Variants in TMEM117 observed in about 807,000 individuals in gnomAD.
TMEM117 encodes the protein transmembrane protein 117.
In TMEM117, 27 loss-of-function variants were observed where a neutral mutation model predicts 52.4. The ratio of observed to expected loss-of-function variants is 0.51; its 90% CI spans 0.38 to 0.71. TMEM117 has a LOEUF of 0.71. TMEM117 is among the 30% of genes least tolerant of loss of function. TMEM117 has a pLI of 0.00. For synonymous variants in TMEM117, 215 were observed against 206.3 expected (o/e 1.04, Z -0.36); for missense variants, 556 against 630.5 (o/e 0.88, Z 1.26).
intron 2 of TMEM117, among the ~76,000 whole-genome samples, chr12:43,903,477 TTA>T (rs1463025657): frequency 3.3e-5 from 5 of 152,206 alleles, no homozygotes; most frequent in Non-Finnish European, 5.9e-5. Flanking sequence ...AGAATGATTT[TTA>T]TGTGTTGCAT....
intron 5 of TMEM117, among the ~76,000 whole-genome samples, chr12:44,249,919 G>C (rs1240634954): frequency 6.6e-6 from 1 of 152,152 alleles, no homozygotes. Flanking sequence ...TACGATTCAG[G>C]ACATGGGCAT....
intron 4 of TMEM117, among the ~76,000 whole-genome samples, chr12:44,167,253 G>T (rs1406805858): frequency 6.6e-6 from 1 of 152,192 alleles, no homozygotes. Context: ...TTGTAGTCCT[G>T]TTGGACATAG....
intron 1 of TMEM117, among the ~76,000 whole-genome samples, chr12:43,836,867 GA>G (rs1028692885): frequency 2.6e-5 from 4 of 151,512 alleles, no homozygotes; most frequent in African/African-American, 7.3e-5. Context: ...AACCAAAAAG[GA>G]AAAAAAATGA....
chr12:43,848,423 C>T (rs755501303), intron 2 of TMEM117, among the ~76,000 whole-genome samples: 1 of 152,090 alleles, frequency 6.6e-6, no homozygotes, highest in African/African-American at 2.4e-5. Flanking sequence ...GAAATGCATT[C>T]TTTTCCCAGG....
intron 3 of TMEM117, among the ~76,000 whole-genome samples, chr12:44,122,460 T>C (rs916700109): frequency 5.3e-5 from 8 of 152,164 alleles, no homozygotes; most frequent in Non-Finnish European, 1.0e-4. Flanking sequence ...GTTTATTACA[T>C]AGGCAAACAT....
rs1208427538 is a variant in TMEM117, at chr12:44,289,475, GC to G, written c.609-10103del. Among the ~76,000 whole-genome samples, 3 of 151,304 alleles carry G rather than the reference GC, an allele frequency of 2.0e-5. No individual in the cohort carries two copies. In the East Asian group the frequency reaches 5.8e-4, roughly 29 times the overall value. ...TTTTTGAAGAACCTCCTTACTGTTT[GC>G]CATACTTGCTGAATCAATTTACATT... is the stretch of plus-strand genomic sequence containing the variant. On this transcript the variant is annotated intron_variant, in intron 5 of 7. Transcript: ENST00000266534.
chr12:44,305,637 T>G (rs1194395528), intron 6 of TMEM117, among the ~76,000 whole-genome samples: 1 of 151,908 alleles, frequency 6.6e-6, no homozygotes, highest in East Asian at 1.9e-4. Flanking sequence ...TGACCTATTA[T>G]AAAAAAGATT....
chr12:44,205,081 C>A (rs555922453), intron 4 of TMEM117, among the ~76,000 whole-genome samples: 4 of 152,194 alleles, frequency 2.6e-5, no homozygotes, highest in Admixed American at 6.5e-5. Flanking sequence ...TTCTGCCCAG[C>A]AAAATAAACT....
chr12:44,192,721 A>G (rs78349871), intron 4 of TMEM117, among the ~76,000 whole-genome samples: 1,876 of 152,306 alleles, frequency 0.012, 32 homozygotes, highest in East Asian at 0.056. Flanking sequence ...CCATTTGCTA[A>G]GAGCTTGGAC....
At chr12:43,980,945 G>A (rs1320674992) in intron 3 of TMEM117, among the ~76,000 whole-genome samples, 1 of 152,140 alleles carries the variant, frequency 6.6e-6, no homozygotes, top group Non-Finnish European at 1.5e-5. Context: ...GAGTGTGAAT[G>A]ATCAAAGGTT....
intron 5 of TMEM117, among the ~76,000 whole-genome samples, chr12:44,234,221 G>T (rs577432378): frequency 6.6e-6 from 1 of 151,420 alleles, no homozygotes; most frequent in African/African-American, 2.4e-5. Context: ...AGGCATTTGG[G>T]ACAAGAGCTT....
At chr12:44,344,468 A>G (rs1303465665) in intron 6 of TMEM117, among the ~76,000 whole-genome samples, 1 of 152,008 alleles carries the variant, frequency 6.6e-6, no homozygotes, top group Non-Finnish European at 1.5e-5. Flanking sequence ...GGCCTCTCAA[A>G]TCATGTACCT....
At chr12:44,012,436 T>A (rs1946308438) in intron 3 of TMEM117, among the ~76,000 whole-genome samples, 1 of 151,554 alleles carries the variant, frequency 6.6e-6, no homozygotes, top group Admixed American at 6.6e-5. Context: ...GATATTCCCA[T>A]TACACAGTTA....
chr12:43,931,218 T>TG, intron 2 of TMEM117, among the ~76,000 whole-genome samples: 1 of 152,338 alleles, frequency 6.6e-6, no homozygotes, highest in South Asian at 2.1e-4. Context: ...ATGGTGGAAG[T>TG]GGGGCAAAAT....
At chr12:44,375,730 T>G (rs1227964448) in intron 6 of TMEM117, among the ~76,000 whole-genome samples, 1 of 152,228 alleles carries the variant, frequency 6.6e-6, no homozygotes, top group East Asian at 1.9e-4. Context: ...TTGGTGATTA[T>G]TTAGGTGTTA....
intron 2 of TMEM117, among the ~76,000 whole-genome samples, chr12:43,856,407 C>T (rs1347347273): frequency 6.6e-6 from 1 of 152,098 alleles, no homozygotes; most frequent in Non-Finnish European, 1.5e-5. Context: ...AAGTGACCAA[C>T]AGAATTTAAG....
At chr12:44,261,460 A>G (rs1007512937) in intron 5 of TMEM117, among the ~76,000 whole-genome samples, 3 of 152,158 alleles carry the variant, frequency 2.0e-5, no homozygotes, top group African/African-American at 4.8e-5. Context: ...TTTTTGCACA[A>G]TGGATAAAAA....
chr12:44,254,985 A>C (rs1302061663), intron 5 of TMEM117, among the ~76,000 whole-genome samples: 1 of 152,180 alleles, frequency 6.6e-6, no homozygotes, highest in East Asian at 1.9e-4. Flanking sequence ...AAAGGACATG[A>C]ACTGTTCATA....
chr12:44,220,679 G>C (rs918973772), intron 5 of TMEM117, among the ~76,000 whole-genome samples: 2 of 152,062 alleles, frequency 1.3e-5, no homozygotes, highest in East Asian at 3.9e-4. Context: ...TAAATCTGGG[G>C]TAGAGAATAT....
Sources: gnomAD v4.1 joint callset for allele counts (sites outside exome capture counted in the v4.1 genomes callset) on GRCh38, gnomAD v4.1.1 for gene constraint, MANE v1.5 for transcripts, NCBI Gene and HGNC (gene_info 2026-07-23, HGNC 2026-07-21) for gene names.